LEKR1: variants seen among roughly 807,000 people sequenced by gnomAD.
LEKR1 encodes protein LEKR1.
In LEKR1, 59 loss-of-function variants were observed where a neutral mutation model predicts 72.4. That is an observed-to-expected ratio of 0.82 (90% CI 0.66 to 1.01). LEKR1 has a LOEUF of 1.01. Among genes scored for constraint, LEKR1 ranks in the 50% least tolerant of loss-of-function variants. The probability of loss-of-function intolerance (pLI) is 0.00; values close to 1 mark genes in which losing one functional copy is unlikely to be tolerated. For synonymous variants in LEKR1, 257 were observed against 263.2 expected (o/e 0.98, Z 0.23); for missense variants, 728 against 759.2 (o/e 0.96, Z 0.48).
chr3:157,044,710 G>C (rs1434035214), intron 12 of LEKR1, among the ~76,000 whole-genome samples: 2 of 152,202 alleles, frequency 1.3e-5, no homozygotes, highest in African/African-American at 4.8e-5. Context: ...TGAATGAATA[G>C]AATTAGTAGC....
chr3:156,897,877 C>T (rs1189563400), intron 3 of LEKR1, among the ~76,000 whole-genome samples: 1 of 150,856 alleles, frequency 6.6e-6, no homozygotes, highest in Non-Finnish European at 1.5e-5. Context: ...TGCTTGAATC[C>T]GGGAGGCAGA....
chr3:156,974,058 A>C (rs1238752457), intron 6 of LEKR1, among the ~76,000 whole-genome samples: 1 of 152,164 alleles, frequency 6.6e-6, no homozygotes, highest in Non-Finnish European at 1.5e-5. Context: ...ATAAGTACAC[A>C]ACAAGATGGG....
intron 3 of LEKR1, among the ~76,000 whole-genome samples, chr3:156,912,241 G>C (rs1325778477): frequency 6.6e-6 from 1 of 152,088 alleles, no homozygotes; most frequent in African/African-American, 2.4e-5. Flanking sequence ...CCTATCACCT[G>C]AGTAGTGTAC....
At chr3:156,889,625 G>T (rs1310572126) in intron 3 of LEKR1, among the ~76,000 whole-genome samples, 4 of 151,972 alleles carry the variant, frequency 2.6e-5, no homozygotes, top group Non-Finnish European at 5.9e-5. Context: ...TGTAAGAAGA[G>T]ACTTAAAAAA....
At chr3:156,966,486 G>A (rs773499978) in intron 6 of LEKR1, among the ~76,000 whole-genome samples, 6 of 152,204 alleles carry the variant, frequency 3.9e-5, no homozygotes, top group Admixed American at 6.5e-5. Flanking sequence ...ATTATATCCC[G>A]CACCGGGCGT....
intron 6 of LEKR1, among the ~76,000 whole-genome samples, chr3:156,956,733 C>T (rs1004709604): frequency 4.0e-5 from 6 of 151,854 alleles, no homozygotes; most frequent in Non-Finnish European, 7.4e-5. Context: ...ATCTGCCAAA[C>T]AACCTAAAAA....
At chr3:156,917,943 A>G (rs1723807257) in intron 3 of LEKR1, among the ~76,000 whole-genome samples, 1 of 152,118 alleles carries the variant, frequency 6.6e-6, no homozygotes, top group Non-Finnish European at 1.5e-5. Flanking sequence ...CCTGGTAAAG[A>G]AATGATTTGG....
chr3:156,869,147 C>T (rs1717633149), intron 3 of LEKR1, among the ~76,000 whole-genome samples: 1 of 152,022 alleles, frequency 6.6e-6, no homozygotes, highest in East Asian at 1.9e-4. Context: ...ATGAGTAATT[C>T]TCCAATAAAC....
intron 3 of LEKR1, among the ~76,000 whole-genome samples, chr3:156,873,618 G>A (rs1462760315): frequency 6.6e-6 from 1 of 151,728 alleles, no homozygotes; most frequent in Non-Finnish European, 1.5e-5. Context: ...TTTCATGGTG[G>A]TATTTATTGT....
chr3:156,874,983 G>T (rs1403320858), intron 3 of LEKR1, among the ~76,000 whole-genome samples: 1 of 152,116 alleles, frequency 6.6e-6, no homozygotes, highest in Admixed American at 6.5e-5. Flanking sequence ...TGTGAATTGT[G>T]CTGTGATAAA....
chr3:157,018,743 T>G (rs149399120), intron 10 of LEKR1, among the ~76,000 whole-genome samples: 2 of 152,220 alleles, frequency 1.3e-5, no homozygotes, highest in Non-Finnish European at 2.9e-5. Context: ...TCTGAGCCTA[T>G]CTCTTAATCG....
intron 6 of LEKR1, among the ~76,000 whole-genome samples, chr3:156,956,762 G>T (rs1384813560): frequency 6.6e-6 from 1 of 151,854 alleles, no homozygotes; most frequent in Admixed American, 6.6e-5. Context: ...TGACAAAAAA[G>T]TATTTGTTTC....
At chr3:157,032,239 T>C (rs1249720351) in intron 12 of LEKR1, among the ~76,000 whole-genome samples, 2 of 152,166 alleles carry the variant, frequency 1.3e-5, no homozygotes, top group African/African-American at 2.4e-5. Context: ...ACGGACCTTG[T>C]TGTGATCCAG....
chr3:157,001,350 G>A (rs1472479244), intron 9 of LEKR1, among the ~76,000 whole-genome samples: 1 of 152,182 alleles, frequency 6.6e-6, no homozygotes, highest in Non-Finnish European at 1.5e-5. Flanking sequence ...AACAGAGGCA[G>A]GAGTTGTGGC....
At chr3:156,870,646 T>G (rs918137246) in intron 3 of LEKR1, among the ~76,000 whole-genome samples, 2 of 152,168 alleles carry the variant, frequency 1.3e-5, no homozygotes, top group African/African-American at 4.8e-5. Context: ...TTGACTCTTT[T>G]CCCAATTTGA....
At chr3:156,924,270 AT>A (rs778503558) in intron 4 of LEKR1, among the ~76,000 whole-genome samples, 9 of 152,124 alleles carry the variant, frequency 5.9e-5, no homozygotes, top group Admixed American at 2.0e-4. Flanking sequence ...TCATTTGTAT[AT>A]CTTACTAGTG....
intron 2 of LEKR1, among the ~76,000 whole-genome samples, chr3:156,842,161 T>C (rs1331243677): frequency 6.6e-6 from 1 of 152,136 alleles, no homozygotes; most frequent in Non-Finnish European, 1.5e-5. Flanking sequence ...CCAAAAAAAT[T>C]GGGGACTGCT....
intron 3 of LEKR1, among the ~76,000 whole-genome samples, chr3:156,899,336 A>G (rs568734833): frequency 5.4e-5 from 7 of 130,536 alleles, no homozygotes; most frequent in African/African-American, 2.0e-4. Flanking sequence ...ATATATACAT[A>G]TATACACATA....
intron 7 of LEKR1, among the ~76,000 whole-genome samples, chr3:156,986,380 A>G (rs535627736): frequency 1.3e-5 from 2 of 152,266 alleles, no homozygotes; most frequent in East Asian, 1.9e-4. Context: ...AGTAAAAGCA[A>G]TATCAGGGAG....
Sources: allele counts gnomAD v4.1 joint callset (sites outside exome capture counted in the v4.1 genomes callset), GRCh38; gene constraint gnomAD v4.1.1; transcripts MANE v1.5; gene names NCBI Gene and HGNC (gene_info 2026-07-23, HGNC 2026-07-21).